SLC41A3: variants seen among roughly 807,000 people sequenced by gnomAD.
SLC41A3 encodes the protein SLC41A1-like 2.
In SLC41A3, 44 loss-of-function variants were observed where a neutral mutation model predicts 45.4. The observed-to-expected ratio is 0.97, with a 90% CI of 0.76 to 1.25. The LOEUF (loss-of-function observed/expected upper bound fraction) is 1.25, where lower values mean the gene tolerates loss of function less well. Among genes scored for constraint, SLC41A3 ranks in the 50% most tolerant of loss-of-function variants. SLC41A3 has a pLI of 0.00. For synonymous variants in SLC41A3, 256 were observed against 252.4 expected, an observed-to-expected ratio of 1.01 and a Z score of -0.13; for missense variants, 550 against 600.6, an observed-to-expected ratio of 0.92 and a Z score of 0.88.
intron 9 of SLC41A3, among the ~76,000 whole-genome samples, chr3:126,009,567 G>A (rs1204709615): frequency 6.6e-6 from 1 of 152,160 alleles, no homozygotes; most frequent in Admixed American, 6.5e-5. Context: ...TTCTCAAAAT[G>A]GAAATAGACT....
chr3:126,070,651 T>G (rs1944574263), intron 1 of SLC41A3, among the ~76,000 whole-genome samples: 1 of 152,084 alleles, frequency 6.6e-6, no homozygotes, highest in Non-Finnish European at 1.5e-5. Flanking sequence ...CAAAATTATC[T>G]TTTCAAAGTA....
rs990164124 is a variant in SLC41A3, at chr3:126,074,421, A to G, written c.-27-6175T>C. ...TTTTGCCAATTCTATTAAACACTGT[A>G]CCTGAGGTTCTAGCCAGCACAATTC... On this transcript the variant is annotated intron_variant, in intron 1 of 10. Coordinates refer to ENST00000360370, the MANE Select transcript of SLC41A3 (RefSeq NM_017836.4). 5.3e-5 allele frequency among the ~76,000 whole-genome samples: 8 copies of G among 152,094 alleles called. No homozygotes were observed. In the East Asian group the frequency reaches 1.6e-3, roughly 30 times the overall value.
intron 2 of SLC41A3, among the ~76,000 whole-genome samples, chr3:126,060,550 T>C (rs1294964702): frequency 1.3e-5 from 2 of 152,194 alleles, no homozygotes; most frequent in African/African-American, 4.8e-5. Context: ...GTAATCTTTA[T>C]AATTTTTTGT....
intron 1 of SLC41A3, among the ~76,000 whole-genome samples, chr3:126,090,094 TTCTC>T (rs1347141167): frequency 3.3e-5 from 5 of 151,636 alleles, no homozygotes; most frequent in South Asian, 2.1e-4. Context: ...AAATGTACCT[TTCTC>T]TCTAAGTTCT....
At chr3:126,041,608 C>T (rs891709242) in intron 3 of SLC41A3, among the ~76,000 whole-genome samples, 1 of 152,246 alleles carries the variant, frequency 6.6e-6, no homozygotes, top group African/African-American at 2.4e-5. Context: ...GCCAGCCAGG[C>T]TGGCATTCAA....
At position 126,061,480 on chromosome 3, in the gene SLC41A3, T is replaced by C. The variant is rs143411319; in HGVS notation, c.273+6467A>G. Among the ~76,000 whole-genome samples, 67 of 152,270 alleles carry C rather than the reference T, an allele frequency of 4.4e-4. 1 individual carries two copies. The Middle Eastern group carries it at 0.02, about 46-fold the overall frequency. On this transcript the variant is annotated intron_variant, in intron 2 of 10. Transcript: ENST00000360370. ...CACTTGCTGGAGCACACAGCCCTCA[T>C]TGCTATCAACGTTGACCCCAGAACC... is the stretch of plus-strand genomic sequence containing the variant.
At chr3:126,056,477 G>A (rs543598075) in intron 2 of SLC41A3, 135 of 1,614,182 alleles carry the variant, frequency 8.4e-5, no homozygotes, top group South Asian at 5.3e-4. Flanking sequence ...TGTGGGGACC[G>A]GGTAAGCTCA....
chr3:126,036,805 T>C (rs563665656), intron 3 of SLC41A3, among the ~76,000 whole-genome samples: 27 of 152,354 alleles, frequency 1.8e-4, no homozygotes, highest in African/African-American at 4.3e-4. Context: ...TGGATTAAGA[T>C]GGAAGATGGA....
At chr3:126,055,513 C>CA (rs1329161216) in intron 2 of SLC41A3, among the ~76,000 whole-genome samples, 2 of 151,562 alleles carry the variant, frequency 1.3e-5, no homozygotes, top group Non-Finnish European at 2.9e-5. Context: ...GACTCTGTCT[C>CA]AAAAAAACAA....
chr3:126,048,199 T>C (rs4542969), intron 3 of SLC41A3, among the ~76,000 whole-genome samples: 99,148 of 152,078 alleles, frequency 0.65, 33,433 homozygotes, highest in East Asian at 0.82. Flanking sequence ...TTGATAACTT[T>C]ACAACATTGA....
chr3:126,100,222 G>A (rs954060641), intron 1 of SLC41A3, among the ~76,000 whole-genome samples: 10 of 151,760 alleles, frequency 6.6e-5, no homozygotes, highest in Admixed American at 1.3e-4. Flanking sequence ...CTCTTGCCAC[G>A]TACCGGGCCC....
chr3:126,045,949 C>T (rs1359810089), intron 3 of SLC41A3, among the ~76,000 whole-genome samples: 3 of 151,714 alleles, frequency 2.0e-5, no homozygotes, highest in African/African-American at 7.3e-5. Context: ...AAGATAGCTC[C>T]ACATACAAAA....
intron 4 of SLC41A3, among the ~76,000 whole-genome samples, chr3:126,029,238 A>G (rs557971058): frequency 2.6e-4 from 39 of 152,340 alleles, no homozygotes; most frequent in African/African-American, 9.4e-4. Context: ...ATAATCCCCA[A>G]TGTTGGAGGT....
At chr3:126,039,917 C>G (rs1942469179) in intron 3 of SLC41A3, among the ~76,000 whole-genome samples, 1 of 152,216 alleles carries the variant, frequency 6.6e-6, no homozygotes, top group African/African-American at 2.4e-5. Flanking sequence ...AGTGTGGCAT[C>G]CCAGGAGCAA....
intron 2 of SLC41A3, among the ~76,000 whole-genome samples, chr3:126,051,447 C>G (rs1943330822): frequency 7.6e-6 from 1 of 131,882 alleles, no homozygotes; most frequent in African/African-American, 2.7e-5. Context: ...CCTGACTCTA[C>G]CGGGGATCAA....
chr3:126,034,239 A>ATAAG (rs1942024917), intron 3 of SLC41A3, among the ~76,000 whole-genome samples: 1 of 152,230 alleles, frequency 6.6e-6, no homozygotes, highest in Non-Finnish European at 1.5e-5. Context: ...AGGAACACAT[A>ATAAG]TAAGTCTCTC....
chr3:126,092,134 C>A (rs2108131772), intron 1 of SLC41A3, among the ~76,000 whole-genome samples: 1 of 152,296 alleles, frequency 6.6e-6, no homozygotes, highest in South Asian at 2.1e-4. Flanking sequence ...CATAAACTGG[C>A]CCCAAAAGTG....
chr3:126,074,844 C>T lies in SLC41A3; in HGVS notation c.-27-6598G>A, dbSNP rs116468550. On this transcript the variant is annotated intron_variant, in intron 1 of 10. Transcript: ENST00000360370. ...TACAGGTATATTCCACCATGCTCAG[C>T]TACTATTTTATTTTTTGTAGACAGG... Among the ~76,000 whole-genome samples, 822 of 152,336 alleles carry T rather than the reference C, an allele frequency of 5.4e-3. 9 individuals are homozygous for T. Among genetic ancestry groups the T allele is most frequent in the African/African-American group, 0.019 (791 of 41,574 alleles).
At chr3:126,024,558 C>A (rs977956400) in intron 5 of SLC41A3, 3 of 152,302 alleles carry the variant, frequency 2.0e-5, no homozygotes, top group South Asian at 2.1e-4. Flanking sequence ...CTGGCCTACA[C>A]CCTCCATGCA....
Sources: allele counts gnomAD v4.1 joint callset (sites outside exome capture counted in the v4.1 genomes callset), GRCh38; gene constraint gnomAD v4.1.1; transcripts MANE v1.5; gene names NCBI Gene and HGNC (gene_info 2026-07-23, HGNC 2026-07-21).